The following PRKCQ variants were observed in gnomAD, a reference collection of about 807,000 sequenced individuals.
PRKCQ encodes the protein protein kinase C theta type.
PRKCQ carries 41 observed loss-of-function variants against 91.2 expected under a neutral mutation model. That is an observed-to-expected ratio of 0.45 (90% CI 0.35 to 0.58). The LOEUF is 0.58. Ranked by LOEUF, PRKCQ falls within the 20% of genes least tolerant of loss-of-function variation. The pLI, the probability that PRKCQ is intolerant of heterozygous loss-of-function variation, is 0.00. For missense variants in PRKCQ, 673 were observed against 896.5 expected (o/e 0.75, Z 3.18); for synonymous variants, 307 against 316.9 (o/e 0.97, Z 0.33).
intron 1 of PRKCQ, among the ~76,000 whole-genome samples, chr10:6,551,707 TA>T (rs1183854173): frequency 2.0e-5 from 3 of 152,230 alleles, no homozygotes; most frequent in Admixed American, 6.5e-5. Flanking sequence ...ACATTTTCTT[TA>T]TCTATCTACC....
At chr10:6,425,223 C>CT (rs1554757918), downstream of PRKCQ, among the ~76,000 whole-genome samples, 51 of 127,466 alleles carry the variant, frequency 4.0e-4, 1 homozygote, top group East Asian at 0.015. Context: ...GGTCTCTCCT[C>CT]TATTTTTTTT....
intron 1 of PRKCQ, among the ~76,000 whole-genome samples, chr10:6,579,554 G>A (rs1470950273): frequency 6.6e-6 from 1 of 151,962 alleles, no homozygotes; most frequent in Non-Finnish European, 1.5e-5. Context: ...ATACCACAAA[G>A]ATACTTTATT....
At chr10:6,573,740 G>A (rs780455240) in intron 1 of PRKCQ, among the ~76,000 whole-genome samples, 8 of 152,100 alleles carry the variant, frequency 5.3e-5, no homozygotes, top group Non-Finnish European at 7.3e-5. Context: ...ACACTTAGCC[G>A]CAGTCCTTTA....
chr10:6,437,764 G>T (rs1833772514), intron 16 of PRKCQ, among the ~76,000 whole-genome samples: 1 of 151,814 alleles, frequency 6.6e-6, no homozygotes. Flanking sequence ...CCATTTTCCT[G>T]CCTCAGCCTC....
chr10:6,555,737 C>G (rs11259545), intron 1 of PRKCQ, among the ~76,000 whole-genome samples: 28,313 of 151,974 alleles, frequency 0.19, 2,811 homozygotes, highest in East Asian at 0.38. Flanking sequence ...CAGGTGGGCA[C>G]GGTAGCTCAC....
At chr10:6,397,189 C>T in the PRKCQ span, among the ~76,000 whole-genome samples, 58,163 of 152,038 alleles carry the variant, frequency 0.38, 13,165 homozygotes, top group East Asian at 0.81. Flanking sequence ...TTCTGCCTCC[C>T]GGGTTCAAGT....
rs146440054 is a variant in PRKCQ at position 6,571,795 on chromosome 10, C to T, written c.-10+8416G>A. On this transcript the variant is annotated intron_variant, in intron 1 of 17. Coordinates refer to ENST00000263125, the MANE Select transcript of PRKCQ (RefSeq NM_006257.5). ...CTCCAACCTGAGCAACAGAACAAGA[C>T]CCTGCCTCAAAAACAAACAAACAAA... Among the ~76,000 whole-genome samples, 472 of 152,126 alleles carry T rather than the reference C, an allele frequency of 3.1e-3. 6 individuals are homozygous for T. Among genetic ancestry groups the T allele is most frequent in the African/African-American group, 0.011 (448 of 41,486 alleles).
intron 14 of PRKCQ, among the ~76,000 whole-genome samples, chr10:6,457,608 A>G (rs1029349409): frequency 6.6e-6 from 1 of 152,140 alleles, no homozygotes; most frequent in Non-Finnish European, 1.5e-5. Context: ...TCTGGCCTCT[A>G]CCTTCCAAAT....
chr10:6,551,456 G>A lies in PRKCQ; in HGVS notation c.-10+28755C>T, dbSNP rs1404686294. On this transcript the variant is annotated intron_variant, in intron 1 of 17. Transcript: ENST00000263125. ...TCACCCAGGCTGGAGTGCCTGGAGT[G>A]CACCATCTCAGCTCACTGCAAGCTC... Among the ~76,000 whole-genome samples the A allele has an allele frequency of 4.0e-5, 6 of 149,772 alleles. No homozygotes were observed. In the Admixed American group the frequency reaches 4.0e-4, roughly 10 times the overall value.
intron 1 of PRKCQ, among the ~76,000 whole-genome samples, chr10:6,516,255 A>G (rs1198681848): frequency 6.6e-6 from 1 of 152,198 alleles, no homozygotes; most frequent in African/African-American, 2.4e-5. Flanking sequence ...CCAGTATGCT[A>G]AATACCAGTG....
At chr10:6,484,739 G>A (rs767870220) in intron 10 of PRKCQ, among the ~76,000 whole-genome samples, 2 of 152,192 alleles carry the variant, frequency 1.3e-5, no homozygotes, top group African/African-American at 4.8e-5. Flanking sequence ...TGGAAAAACT[G>A]CCATAATGTC....
chr10:6,404,801 TTCTC>T, the PRKCQ span, among the ~76,000 whole-genome samples: 1,838 of 140,840 alleles, frequency 0.013, 18 homozygotes, highest in South Asian at 0.031. Flanking sequence ...CCTTCCTTCT[TTCTC>T]TCTCTCTTTC....
At chr10:6,554,273 C>G (rs966779094) in intron 1 of PRKCQ, among the ~76,000 whole-genome samples, 4 of 152,122 alleles carry the variant, frequency 2.6e-5, no homozygotes. Context: ...GAAGGAACTG[C>G]AACTCCGAAG....
chr10:6,493,095 T>C (rs1249734233), intron 7 of PRKCQ, among the ~76,000 whole-genome samples: 2 of 152,178 alleles, frequency 1.3e-5, no homozygotes, highest in Non-Finnish European at 1.5e-5. Flanking sequence ...ACTTCGAATC[T>C]TGAATGCAGG....
At chr10:6,570,200 C>T (rs111670420) in intron 1 of PRKCQ, among the ~76,000 whole-genome samples, 6 of 151,742 alleles carry the variant, frequency 4.0e-5, no homozygotes, top group Non-Finnish European at 7.4e-5. Flanking sequence ...GAGGAGAGTG[C>T]GGGTGATCAT....
intron 8 of PRKCQ, 139 bp from the exon 9 acceptor site, chr10:6,486,283 C>A: frequency 1.4e-6 from 1 of 708,014 alleles, no homozygotes; most frequent in Non-Finnish European, 2.5e-6. Flanking sequence ...TTGACCCTGG[C>A]TCTCCCTGGT....
chr10:6,560,768 G>A lies in PRKCQ; in HGVS notation c.-10+19443C>T, dbSNP rs761841753. On this transcript the variant is annotated intron_variant, in intron 1 of 17. Coordinates refer to ENST00000263125, the MANE Select transcript of PRKCQ (RefSeq NM_006257.5). The stretch of plus-strand genomic sequence containing the variant: ...AAATTATTCTTTTGAGGCCAGGCGC[G>A]GTGTCTCATGTCTGTAATCCCAGCG... Among the ~76,000 whole-genome samples the A allele has an allele frequency of 6.6e-5, 10 of 152,256 alleles. No individual in the cohort carries two copies. The South Asian group carries it at 1.4e-3, about 22-fold the overall frequency.
downstream of PRKCQ, among the ~76,000 whole-genome samples, chr10:6,423,270 C>T (rs372251058): frequency 2.4e-4 from 37 of 152,200 alleles, no homozygotes; most frequent in African/African-American, 7.7e-4. Context: ...CTGGTGCTCA[C>T]GGCAGTGTGG....
intron 15 of PRKCQ, among the ~76,000 whole-genome samples, chr10:6,454,018 A>T (rs1199967270): frequency 6.6e-6 from 1 of 152,110 alleles, no homozygotes; most frequent in Admixed American, 6.5e-5. Flanking sequence ...ACATGTATAG[A>T]TATGTAACTA....
Sources: gnomAD v4.1 joint callset for allele counts (sites outside exome capture counted in the v4.1 genomes callset) on GRCh38, gnomAD v4.1.1 for gene constraint, MANE v1.5 for transcripts, NCBI Gene and HGNC (gene_info 2026-07-23, HGNC 2026-07-21) for gene names.